Variants in TMEM108 observed in about 807,000 individuals in gnomAD.
The protein encoded by TMEM108 is cancer/testis antigen 124.
Under a neutral mutation model 35.1 loss-of-function variants are expected in TMEM108, and 12 were observed. The observed-to-expected ratio is 0.34, with a 90% CI of 0.22 to 0.55. The LOEUF is 0.55. TMEM108 is among the 20% of genes least tolerant of loss of function. The probability of loss-of-function intolerance (pLI) is 0.89; values close to 1 mark genes in which losing one functional copy is unlikely to be tolerated. For synonymous variants in TMEM108, 287 were observed against 308.6 expected (o/e 0.93, Z 0.73); for missense variants, 680 against 753.3 (o/e 0.90, Z 1.14).
intron 3 of TMEM108, among the ~76,000 whole-genome samples, chr3:133,289,937 T>G (rs1947039231): frequency 6.6e-6 from 1 of 152,198 alleles, no homozygotes; most frequent in South Asian, 2.1e-4. Context: ...TGTGTGTTTA[T>G]TCACATATCC....
intron 3 of TMEM108, among the ~76,000 whole-genome samples, chr3:133,338,668 A>G (rs1038086466): frequency 6.6e-6 from 1 of 152,124 alleles, no homozygotes; most frequent in African/African-American, 2.4e-5. Flanking sequence ...CTGTAACACT[A>G]TAACTGTGGT....
chr3:133,371,164 G>A (rs2072657030), intron 3 of TMEM108, among the ~76,000 whole-genome samples: 1 of 152,190 alleles, frequency 6.6e-6, no homozygotes, highest in Non-Finnish European at 1.5e-5. Context: ...AAAGAGCTTT[G>A]ATTTCACTTC....
intron 2 of TMEM108, among the ~76,000 whole-genome samples, chr3:133,054,475 A>G (rs1943441975): frequency 6.6e-6 from 1 of 152,232 alleles, no homozygotes; most frequent in South Asian, 2.1e-4. Flanking sequence ...CATCTTCGAC[A>G]AGTGTTGTTC....
At chr3:133,285,110 C>A (rs1306833012) in intron 3 of TMEM108, among the ~76,000 whole-genome samples, 1 of 152,062 alleles carries the variant, frequency 6.6e-6, no homozygotes, top group Non-Finnish European at 1.5e-5. Context: ...AAATATATTT[C>A]ATCTACAGTG....
chr3:133,092,366 T>C (rs1432617531), intron 2 of TMEM108, among the ~76,000 whole-genome samples: 1 of 152,210 alleles, frequency 6.6e-6, no homozygotes, highest in East Asian at 1.9e-4. Flanking sequence ...TCTCCTAACC[T>C]CTTTTACCCA....
chr3:133,235,994 T>C (rs996420744), intron 3 of TMEM108, among the ~76,000 whole-genome samples: 24 of 152,166 alleles, frequency 1.6e-4, no homozygotes, highest in Non-Finnish European at 1.0e-4. Flanking sequence ...TTTGCTTGGG[T>C]ACTGTGTACT....
intron 3 of TMEM108, among the ~76,000 whole-genome samples, chr3:133,352,701 G>C (rs915015782): frequency 1.3e-5 from 2 of 152,296 alleles, no homozygotes; most frequent in Non-Finnish European, 2.9e-5. Flanking sequence ...CGTGCCTAGG[G>C]CAAGGTATAT....
chr3:133,080,533 C>T (rs1048966108), intron 2 of TMEM108, among the ~76,000 whole-genome samples: 1 of 152,224 alleles, frequency 6.6e-6, no homozygotes, highest in Non-Finnish European at 1.5e-5. Context: ...AACACTTTCT[C>T]CCCTGGAATC....
intron 3 of TMEM108, among the ~76,000 whole-genome samples, chr3:133,244,219 A>G (rs1946353362): frequency 6.6e-6 from 1 of 152,190 alleles, no homozygotes; most frequent in South Asian, 2.1e-4. Flanking sequence ...AGCATTTTAA[A>G]AAGTGCTATA....
intron 2 of TMEM108, among the ~76,000 whole-genome samples, chr3:133,177,906 A>C (rs965700684): frequency 5.9e-5 from 9 of 152,202 alleles, no homozygotes; most frequent in African/African-American, 1.7e-4. Flanking sequence ...TTGTATATCT[A>C]GAAAACCCCA....
intron 2 of TMEM108, among the ~76,000 whole-genome samples, chr3:133,186,838 T>TTAA (rs1220578339): frequency 9.2e-5 from 14 of 152,088 alleles, no homozygotes; most frequent in Admixed American, 2.0e-4. Context: ...ACATGCAAAT[T>TTAA]AATATATATC....
intron 2 of TMEM108, among the ~76,000 whole-genome samples, chr3:133,050,020 G>T (rs1304787602): frequency 6.6e-6 from 1 of 152,110 alleles, no homozygotes; most frequent in Non-Finnish European, 1.5e-5. Flanking sequence ...ATTTTCAGTT[G>T]ATATTATGTA....
Position 133,380,660 on chromosome 3 carries a change from T to C in TMEM108, c.949T>C (p.Ser317Pro). 1 of 1,613,926 alleles carries C rather than the reference T, an allele frequency of 6.2e-7. No individual in the cohort carries two copies. The highest frequency in any genetic ancestry group is 8.5e-7 in the Non-Finnish European group (1 of 1,179,954). ...CAGTCCACAAGCTGCCCCAGTGCCT[T>C]CTCAGCGCCCCCACCACGGTGACCC... is the stretch of plus-strand genomic sequence containing the variant. ...PVSPQAAPVP[S>P]QRPHHGDPQD... The change falls in exon 4 of 6, where the codon TCT becomes CCT. Residue 317 changes from serine (S) to proline (P), a missense_variant. Ser to Pro is a moderately conservative substitution (Grantham distance 74). Coordinates refer to ENST00000321871, the MANE Select transcript of TMEM108 (RefSeq NM_023943.4). This position sits in a 1 kb window ranked among gnomAD's most constrained non-coding sequence, Gnocchi z 5.3.
intron 3 of TMEM108, among the ~76,000 whole-genome samples, chr3:133,379,000 G>A (rs150455777): frequency 3.9e-5 from 6 of 152,176 alleles, no homozygotes; most frequent in South Asian, 2.1e-4. Context: ...TGGGCTCCAG[G>A]TCTGGTTGCT....
chr3:133,314,391 C>T (rs1358953901), intron 3 of TMEM108, among the ~76,000 whole-genome samples: 1 of 152,116 alleles, frequency 6.6e-6, no homozygotes. Flanking sequence ...GGATCAGTTG[C>T]CTTCAAAAGC....
At chr3:133,362,534 T>C (rs767338489) in intron 3 of TMEM108, among the ~76,000 whole-genome samples, 3 of 152,204 alleles carry the variant, frequency 2.0e-5, no homozygotes, top group Non-Finnish European at 2.9e-5. Flanking sequence ...AGGGCAAATT[T>C]TGGGCTTTAT....
Position 133,229,337 on chromosome 3 carries a change from A to G in TMEM108, c.26A>G (p.Tyr9Cys). The G allele has an allele frequency of 1.9e-6, 3 of 1,613,308 alleles. No homozygotes were observed. The highest frequency in any genetic ancestry group is 1.1e-5 in the South Asian group (1 of 90,956). The change falls in exon 3 of 6, where the codon TAT becomes TGT. Residue 9 changes from tyrosine (Y) to cysteine (C), a missense_variant. Physicochemically the swap from Tyr to Cys is radical, Grantham distance 194. Coordinates refer to ENST00000321871, the MANE Select transcript of TMEM108 (RefSeq NM_023943.4). Reference protein sequence around the residue: MKRSLQALYCQLLSFLLIL... With the variant: MKRSLQALCCQLLSFLLIL... ...ATGAAGAGAAGTTTACAGGCCCTCT[A>G]TTGCCAACTGTTAAGTAAGTTGACA...
At chr3:133,317,201 C>T (rs1038463246) in intron 3 of TMEM108, among the ~76,000 whole-genome samples, 2 of 152,152 alleles carry the variant, frequency 1.3e-5, no homozygotes, top group South Asian at 2.1e-4. Flanking sequence ...ATGATACGGA[C>T]GTTGAAAGGG....
chr3:133,076,695 A>G (rs961167300), intron 2 of TMEM108, among the ~76,000 whole-genome samples: 1 of 152,242 alleles, frequency 6.6e-6, no homozygotes, highest in Admixed American at 6.5e-5. Flanking sequence ...TTTCAGTTCT[A>G]TTGCCCAGCC....
Sources: gnomAD v4.1 joint callset for allele counts (sites outside exome capture counted in the v4.1 genomes callset) on GRCh38, gnomAD v4.1.1 for gene constraint, Gnocchi (gnomAD v3.1) non-coding constraint, MANE v1.5 for transcripts, NCBI Gene and HGNC (gene_info 2026-07-23, HGNC 2026-07-21) for gene names.